GALNT7: variants seen among roughly 807,000 people sequenced by gnomAD.
GALNT7 encodes the protein polypeptide N-acetylgalactosaminyltransferase 7, also known as N-acetylgalactosaminyltransferase 7.
In GALNT7, 60 loss-of-function variants were observed where a neutral mutation model predicts 82.1. The observed-to-expected ratio is 0.73, with a 90% CI of 0.59 to 0.91. The LOEUF (loss-of-function observed/expected upper bound fraction) is 0.91. GALNT7 is among the 40% of genes least tolerant of loss of function. The probability of loss-of-function intolerance (pLI) is 0.00; values close to 1 mark genes in which losing one functional copy is unlikely to be tolerated. For missense variants in GALNT7, 660 were observed against 804.2 expected (o/e 0.82, Z 2.17); for synonymous variants, 243 against 275.1 (o/e 0.88, Z 1.15).
At chr4:173,286,987 T>C (rs952048381) in intron 2 of GALNT7, among the ~76,000 whole-genome samples, 3 of 152,138 alleles carry the variant, frequency 2.0e-5, no homozygotes, top group African/African-American at 2.4e-5. Flanking sequence ...ACTTCCTTGG[T>C]TGGGGGACAG....
intron 2 of GALNT7, among the ~76,000 whole-genome samples, chr4:173,255,138 G>C (rs970342501): frequency 6.6e-6 from 1 of 152,156 alleles, no homozygotes; most frequent in Admixed American, 6.5e-5. Context: ...ATTTCAGTGA[G>C]GCTACAAAAA....
intron 1 of GALNT7, among the ~76,000 whole-genome samples, chr4:173,240,246 C>T (rs1734376842): frequency 1.3e-5 from 2 of 152,220 alleles, no homozygotes; most frequent in East Asian, 1.9e-4. Context: ...GGTGCCTCCC[C>T]ACCAGAAAGT....
chr4:173,246,013 A>G (rs568593692), intron 1 of GALNT7, among the ~76,000 whole-genome samples: 3 of 152,194 alleles, frequency 2.0e-5, no homozygotes, highest in African/African-American at 7.2e-5. Flanking sequence ...CATTTATACA[A>G]TCAGGCTGTG....
intron 1 of GALNT7, among the ~76,000 whole-genome samples, chr4:173,236,492 A>T (rs1254285007): frequency 6.6e-6 from 1 of 152,132 alleles, no homozygotes; most frequent in Non-Finnish European, 1.5e-5. Flanking sequence ...TCCAAAATTC[A>T]GCTTTGATCT....
Position 173,288,509 on chromosome 4 carries a change from T to G in GALNT7, c.588-3599T>G, listed in dbSNP as rs773544803. ...TCCCACTAGGTGGCGCTGTAGGATC[T>G]GAGATGTTAGGTAAAAACTCTGACT... On this transcript the variant is annotated intron_variant, in intron 2 of 11. Coordinates refer to ENST00000265000, the MANE Select transcript of GALNT7 (RefSeq NM_017423.3). 5.2e-4 allele frequency among the ~76,000 whole-genome samples: 79 copies of G among 152,084 alleles called. No homozygotes were observed. The Middle Eastern group carries it at 0.01, about 20-fold the overall frequency.
chr4:173,295,761 A>T lies in GALNT7; in HGVS notation c.886-3A>T, dbSNP rs750867973. 1 of 1,589,290 alleles carries T rather than the reference A, an allele frequency of 6.3e-7. No individual in the cohort carries two copies. The highest frequency in any genetic ancestry group is 8.6e-7 in the Non-Finnish European group (1 of 1,158,062). On this transcript the variant is annotated splice_polypyrimidine_tract_variant and splice_region_variant and intron_variant, in intron 4 of 11. Coordinates refer to ENST00000265000, the MANE Select transcript of GALNT7 (RefSeq NM_017423.3). ...ATTCTTTCACCTGCCTCTTTTTTTT[A>T]AGGTTTTGATATACCTTGATGCCCA...
intron 2 of GALNT7, among the ~76,000 whole-genome samples, chr4:173,275,017 C>T (rs1735850499): frequency 6.6e-6 from 1 of 152,186 alleles, no homozygotes; most frequent in Admixed American, 6.5e-5. Flanking sequence ...GAAATACAGT[C>T]ATCCCCATGC....
intron 1 of GALNT7, among the ~76,000 whole-genome samples, chr4:173,208,828 T>TA (rs1363207043): frequency 7.9e-5 from 12 of 152,254 alleles, no homozygotes; most frequent in African/African-American, 2.9e-4. Context: ...TTAAAATTTT[T>TA]ATGTGGTGAA....
At chr4:173,276,172 T>C (rs904241350) in intron 2 of GALNT7, among the ~76,000 whole-genome samples, 1 of 152,206 alleles carries the variant, frequency 6.6e-6, no homozygotes, top group South Asian at 2.1e-4. Flanking sequence ...TTCTGTGATA[T>C]AGTACTCGTG....
At chr4:173,299,227 T>C (rs1179337271) in intron 6 of GALNT7, among the ~76,000 whole-genome samples, 1 of 152,186 alleles carries the variant, frequency 6.6e-6, no homozygotes, top group Non-Finnish European at 1.5e-5. Context: ...AGATACTGAA[T>C]GGCAAACATA....
In GALNT7 at chr4:173,298,223, G is replaced by T. The variant is rs1379840914; in HGVS notation, c.1074G>T (p.Trp358Cys). The T allele has an allele frequency of 6.2e-7, 1 of 1,612,636 alleles. No individual in the cohort carries two copies. The highest frequency in any genetic ancestry group is 8.5e-7 in the Non-Finnish European group (1 of 1,179,274). The change falls in exon 6 of 12, where the codon TGG becomes TGT. Residue 358 changes from tryptophan to cysteine, a missense_variant. Transcript: ENST00000265000. ...GGTATGCCCGAGGAGCATGGGATTG[G>T]AGTATGCTCTGGAAACGGGTGCCTC... ...EDGYARGAWD[W>C]SMLWKRVPLT...
intron 2 of GALNT7, among the ~76,000 whole-genome samples, chr4:173,267,356 G>A (rs1334136211): frequency 6.6e-6 from 1 of 152,106 alleles, no homozygotes; most frequent in East Asian, 1.9e-4. Context: ...CTGAATGCTA[G>A]GGAGATACAC....
At chr4:173,257,831 A>C (rs1735100824) in intron 2 of GALNT7, among the ~76,000 whole-genome samples, 1 of 152,348 alleles carries the variant, frequency 6.6e-6, no homozygotes, top group African/African-American at 2.4e-5. Flanking sequence ...TTGAGAATCT[A>C]AACTCCACAT....
chr4:173,187,389 A>G (rs370872705), intron 1 of GALNT7, among the ~76,000 whole-genome samples: 37 of 152,184 alleles, frequency 2.4e-4, no homozygotes, highest in African/African-American at 8.9e-4. Context: ...ATTAGAAAAA[A>G]AAAAAAAACC....
intron 1 of GALNT7, among the ~76,000 whole-genome samples, chr4:173,178,052 T>TGTGTGTGTGTGCGCGCGCGC (rs563102408): frequency 1.5e-5 from 2 of 129,510 alleles, no homozygotes; most frequent in African/African-American, 6.1e-5. Context: ...TGTGTGTGTG[T>TGTGTGTGTGTGCGCGCGCGC]GCGCGCACGC....
chr4:173,195,018 A>C (rs1732735828), intron 1 of GALNT7, among the ~76,000 whole-genome samples: 1 of 152,152 alleles, frequency 6.6e-6, no homozygotes, highest in Non-Finnish European at 1.5e-5. Context: ...ACATATGTTA[A>C]TTTTCAGTGC....
Position 173,313,944 on chromosome 4 carries a change from T to TATATA in GALNT7, c.1390-14_1390-13insATATA. On this transcript the variant is annotated splice_polypyrimidine_tract_variant and intron_variant, in intron 8 of 11. Transcript: ENST00000265000. ...TTTTATAACGATATATATATATATA[T>TATATA]TTTTTTTTTACAGAATTATGTTAGA... 1 of 892,650 alleles carries TATATA rather than the reference T, an allele frequency of 1.1e-6. No homozygotes were observed. 55.3% of individuals were successfully genotyped at this position (892,650 alleles called of 1,614,324 possible). A position where few individuals can be genotyped will look rare whatever the true frequency, so the allele number is the denominator to read the frequency against.
intron 2 of GALNT7, among the ~76,000 whole-genome samples, chr4:173,264,637 G>A (rs1047721519): frequency 7.9e-5 from 12 of 152,108 alleles, no homozygotes; most frequent in South Asian, 2.1e-4. Flanking sequence ...CTTTAAATCC[G>A]TGGGCTCCTC....
At chr4:173,312,617 A>C (rs1318587573) in intron 8 of GALNT7, among the ~76,000 whole-genome samples, 1 of 152,246 alleles carries the variant, frequency 6.6e-6, no homozygotes, top group African/African-American at 2.4e-5. Flanking sequence ...GACAAATCAC[A>C]TGCAAATTAT....
Sources: allele counts gnomAD v4.1 joint callset (sites outside exome capture counted in the v4.1 genomes callset), GRCh38; gene constraint gnomAD v4.1.1; transcripts MANE v1.5; gene names NCBI Gene and HGNC (gene_info 2026-07-23, HGNC 2026-07-21).